The following CEMIP2 variants were observed in gnomAD, a reference collection of about 807,000 sequenced individuals.
CEMIP2 encodes cell migration inducing hyaluronidase 2.
A neutral mutation model predicts 146.9 loss-of-function variants in CEMIP2; 79 were observed. The observed-to-expected ratio is 0.54, with a 90% CI of 0.45 to 0.65. The LOEUF (loss-of-function observed/expected upper bound fraction) is 0.65. Ranked by LOEUF, CEMIP2 falls within the 30% of genes least tolerant of loss-of-function variation. CEMIP2 has a pLI of 0.00. For synonymous variants in CEMIP2, 601 were observed against 606.3 expected, an observed-to-expected ratio of 0.99 and a Z score of 0.13; for missense variants, 1,596 against 1,696.2, an observed-to-expected ratio of 0.94 and a Z score of 1.04.
At chr9:71,706,824 AT>A (rs1266718183) in intron 17 of CEMIP2, among the ~76,000 whole-genome samples, 1 of 141,160 alleles carries the variant, frequency 7.1e-6, no homozygotes, top group African/African-American at 2.7e-5. Context: ...TTATTTATTT[AT>A]TTATTATTAT....
chr9:71,740,104 C>G lies in CEMIP2; in HGVS notation c.1163G>C (p.Gly388Ala), dbSNP rs1447919571. ...LAQREFYTVD[G>A]QKFSVTAYSE... ...ATAAGCTGTCACAGAGAACTTCTGG[C>G]CATCCACAGTATAAAATTCTCTTTG... Residue 388 changes from glycine to alanine, a missense_variant, in exon 5 of 24, where the codon GGC (glycine) becomes GCC (alanine). By Grantham distance (60) the Gly-to-Ala change is moderately conservative. Coordinates refer to ENST00000377044, the MANE Select transcript of CEMIP2 (RefSeq NM_013390.3). 3.1e-6 allele frequency: 5 copies of G among 1,614,070 alleles called. No homozygotes were observed. The highest frequency in any genetic ancestry group is 4.2e-6 in the Non-Finnish European group (5 of 1,180,000).
chr9:71,723,232 C>T (rs1823292920), intron 11 of CEMIP2, among the ~76,000 whole-genome samples: 1 of 149,154 alleles, frequency 6.7e-6, no homozygotes, highest in Non-Finnish European at 1.5e-5. Flanking sequence ...AACATCAGAT[C>T]ACATGGAATT....
In CEMIP2 at chr9:71,683,755, C is replaced by T. The variant is rs1175994923; in HGVS notation, c.*1442G>A. 1 of 152,616 alleles carries T rather than the reference C, an allele frequency of 6.6e-6. No individual in the cohort carries two copies. Among genetic ancestry groups the T allele is most frequent in the East Asian group, 1.9e-4 (1 of 5,192 alleles). The allele number at this position is 152,616 out of a possible 1,614,324, so 9.5% of individuals were successfully genotyped here. A position where few individuals can be genotyped will look rare whatever the true frequency, so the allele number is the denominator to read the frequency against. On this transcript the variant is annotated 3_prime_UTR_variant, in exon 24 of 24. Transcript: ENST00000377044. ...TATTTTGTAAAGTCACAGGGCTGCT[C>T]TGCAGTTTCTCCTGGATACAAAGGT... is the stretch of plus-strand genomic sequence containing the variant.
At chr9:71,711,791 G>A (rs3824508) in intron 16 of CEMIP2, among the ~76,000 whole-genome samples, 84,640 of 151,882 alleles carry the variant, frequency 0.56, 26,044 homozygotes, top group East Asian at 0.72. Context: ...TTCCAAAATC[G>A]TATGTCCTCT....
At chr9:71,715,237 C>CTTTTTTTTTTTTTTTTTTTTTTT in intron 14 of CEMIP2, 148 bp from the exon 15 acceptor site, 1 of 209,860 alleles carries the variant, frequency 4.8e-6, no homozygotes, top group Non-Finnish European at 8.2e-6. Flanking sequence ...TCAGAAACTG[C>CTTTTTTTTTTTTTTTTTTTTTTT]TTTTTTTTTT....
At chr9:71,736,758 T>A (rs1347941531) in intron 5 of CEMIP2, among the ~76,000 whole-genome samples, 2 of 152,190 alleles carry the variant, frequency 1.3e-5, no homozygotes, top group Non-Finnish European at 2.9e-5. Flanking sequence ...ATGAAATAGA[T>A]GAGAACTACT....
At position 71,740,224 on chromosome 9, in the gene CEMIP2, C is replaced by A. The variant is rs1823875723; in HGVS notation, c.1043G>T (p.Trp348Leu). 1.2e-6 allele frequency: 2 copies of A among 1,613,162 alleles called. No homozygotes were observed. Among genetic ancestry groups the A allele is most frequent in the Admixed American group, 3.3e-5 (2 of 59,984 alleles). The change falls in exon 5 of 24, where the codon TGG (tryptophan) becomes TTG (leucine). Residue 348 changes from tryptophan to leucine, a missense_variant. By Grantham distance (61) the Trp-to-Leu change is moderately conservative. Transcript: ENST00000377044. Reference sequence around the variant, plus strand: ...ACCATCAATGACACCAACTAAAGCCCAAGCTTGCCTAGAAGGAAAAAGAGC... The same window carrying A: ...ACCATCAATGACACCAACTAAAGCCAAAGCTTGCCTAGAAGGAAAAAGAGC... ...LIQGLGYRQAWALVGVIDGGS... is the reference protein window; with the variant it reads ...LIQGLGYRQALALVGVIDGGS...
At chr9:71,755,961 CAAAAAAAAAAAAAAA>C (rs55972127) in intron 1 of CEMIP2, among the ~76,000 whole-genome samples, 2 of 52,890 alleles carry the variant, frequency 3.8e-5, no homozygotes, top group Non-Finnish European at 7.4e-5. Context: ...CTCTGTCTCA[CAAAAAAAAAAAAAAA>C]AAAAAAAAAA....
chr9:71,731,924 C>T (rs955912256), intron 7 of CEMIP2, among the ~76,000 whole-genome samples: 1 of 152,002 alleles, frequency 6.6e-6, no homozygotes, highest in Admixed American at 6.5e-5. Context: ...AATTTGCATA[C>T]AAAAAATATT....
chr9:71,745,673 A>G, intron 3 of CEMIP2, 94 bp from the exon 4 acceptor site: 1 of 1,259,706 alleles, frequency 7.9e-7, no homozygotes, highest in Non-Finnish European at 1.1e-6. Flanking sequence ...CACTTCCGCA[A>G]TTAGGTCGGA....
chr9:71,711,804 T>C (rs544047835), intron 16 of CEMIP2, among the ~76,000 whole-genome samples: 2 of 152,250 alleles, frequency 1.3e-5, no homozygotes, highest in Admixed American at 6.5e-5. Flanking sequence ...TGTCCTCTTG[T>C]TCCTATGAAA....
chr9:71,745,797 G>T (rs1337807600), intron 3 of CEMIP2, among the ~76,000 whole-genome samples: 1 of 152,190 alleles, frequency 6.6e-6, no homozygotes, highest in South Asian at 2.1e-4. Context: ...CACTTTAGAG[G>T]TTAAATCATT....
chr9:71,713,916 A>G (rs1406745473), intron 15 of CEMIP2, among the ~76,000 whole-genome samples: 2 of 152,210 alleles, frequency 1.3e-5, no homozygotes, highest in Non-Finnish European at 2.9e-5. Flanking sequence ...CAATTAAAAA[A>G]TCCATGAAGT....
intron 21 of CEMIP2, among the ~76,000 whole-genome samples, chr9:71,692,335 C>A (rs1196939033): frequency 8.1e-6 from 1 of 123,868 alleles, no homozygotes; most frequent in African/African-American, 3.6e-5. Flanking sequence ...ACGCTCTCCC[C>A]ATCTCTCTCT....
intron 15 of CEMIP2, among the ~76,000 whole-genome samples, chr9:71,713,852 A>G (rs553290738): frequency 5.5e-4 from 84 of 152,300 alleles, no homozygotes; most frequent in African/African-American, 2.0e-3. Context: ...TGAGGATTAA[A>G]TAAATATATT....
intron 13 of CEMIP2, among the ~76,000 whole-genome samples, chr9:71,717,522 T>A (rs143160854): frequency 2.2e-4 from 34 of 152,350 alleles, no homozygotes; most frequent in African/African-American, 7.9e-4. Context: ...CAAGTCATGT[T>A]AAGATATAAG....
rs769437649 is a variant in CEMIP2, at chr9:71,745,346, G to A, written c.706C>T (p.Arg236Trp). The change falls in exon 4 of 24, where the codon CGG becomes TGG. Residue 236 changes from arginine (R) to tryptophan (W), a missense_variant. Transcript: ENST00000377044. ...GCCAACAACGTCCACGATGCCTTCC[G>A]TGCCCCATGTAACTCCAGTGTCCCG... Reference protein sequence around the residue: ...AGGTLELHGARKASWTLLART... With the variant: ...AGGTLELHGAWKASWTLLART... The A allele has an allele frequency of 1.1e-5, 18 of 1,613,690 alleles. No homozygotes were observed. Among genetic ancestry groups the A allele is most frequent in the Middle Eastern group, 1.7e-4 (1 of 6,060 alleles).
In CEMIP2 at chr9:71,740,200, C is replaced by T; in HGVS notation, c.1067G>A (p.Gly356Asp). The T allele has an allele frequency of 6.2e-7, 1 of 1,613,856 alleles. No homozygotes were observed. Among genetic ancestry groups the T allele is most frequent in the Non-Finnish European group, 8.5e-7 (1 of 1,180,002 alleles). Residue 356 changes from glycine to aspartate, a missense_variant, in exon 5 of 24, where the codon GGT (glycine) becomes GAT (aspartate). Physicochemically the swap from Gly to Asp is moderately conservative, Grantham distance 94 (BLOSUM62 -1). Transcript: ENST00000377044. ...QAWALVGVID[G>D]GSTSCNESVR... ...GGATTCATTGCAAGAAGTGCTTCCACCATCAATGACACCAACTAAAGCCCA... is the reference window on the plus strand; with the variant it reads ...GGATTCATTGCAAGAAGTGCTTCCATCATCAATGACACCAACTAAAGCCCA...
In CEMIP2 at chr9:71,734,792, A is replaced by G; in HGVS notation, c.1393+14T>C. On this transcript the variant is annotated intron_variant, in intron 6 of 23. Transcript: ENST00000377044. ...TAGTGTGTTTCCCAAGAAGTACTCTAAGCAGTTTAATACCTTTGACTTTGA... is the reference window on the plus strand; with the variant it reads ...TAGTGTGTTTCCCAAGAAGTACTCTGAGCAGTTTAATACCTTTGACTTTGA... 1 of 1,583,758 alleles carries G rather than the reference A, an allele frequency of 6.3e-7. No homozygotes were observed. The highest frequency in any genetic ancestry group is 2.3e-5 in the East Asian group (1 of 44,372).
Sources: gnomAD v4.1 joint callset for allele counts (sites outside exome capture counted in the v4.1 genomes callset) on GRCh38, gnomAD v4.1.1 for gene constraint, MANE v1.5 for transcripts, NCBI Gene and HGNC (gene_info 2026-07-23, HGNC 2026-07-21) for gene names.